Variants in SLIT2 observed in about 807,000 individuals in gnomAD.
SLIT2 encodes the protein slit guidance ligand 2.
In SLIT2, 41 loss-of-function variants were observed where a neutral mutation model predicts 185.7. That is an observed-to-expected ratio of 0.22 (90% CI 0.17 to 0.29). The LOEUF (loss-of-function observed/expected upper bound fraction) is 0.29. Ranked by LOEUF, SLIT2 falls within the 10% of genes least tolerant of loss-of-function variation. The probability of loss-of-function intolerance (pLI) is 1.00; values close to 1 mark genes in which losing one functional copy is unlikely to be tolerated. For synonymous variants in SLIT2, 693 were observed against 680.2 expected, an observed-to-expected ratio of 1.02 and a Z score of -0.29; for missense variants, 1,571 against 1,909.0, an observed-to-expected ratio of 0.82 and a Z score of 3.30.
chr4:20,253,972 A>T lies in SLIT2; in HGVS notation c.157A>T (p.Ile53Phe), dbSNP rs1321526993. ...GGCGCTGCGCAGCGTGCCCAGGAAT[A>T]TCCCCCGCAACACCGAGAGACTGTG... is the stretch of plus-strand genomic sequence containing the variant. ...GLALRSVPRN[I>F]PRNTERLDLN... The change falls in exon 1 of 37, where the codon ATC (isoleucine) becomes TTC (phenylalanine). Residue 53 changes from isoleucine (I) to phenylalanine (F), a missense_variant. By Grantham distance (21) the Ile-to-Phe change is conservative (BLOSUM62 0). Around this residue, in one of 3 missense-constraint regions of SLIT2, gnomAD observed 1,202 missense variants for 1,416.4 expected, o/e 0.85. Transcript: ENST00000504154. The T allele has an allele frequency of 6.2e-7, 1 of 1,602,436 alleles. No individual in the cohort carries two copies. The highest frequency in any genetic ancestry group is 1.1e-5 in the South Asian group (1 of 90,990).
At chr4:20,569,316 G>T in intron 29 of SLIT2, 1 of 322,446 alleles carries the variant, frequency 3.1e-6, no homozygotes, top group Non-Finnish European at 5.9e-6. Context: ...TTTTCCCTGT[G>T]CAAACCAATC....
intron 18 of SLIT2, among the ~76,000 whole-genome samples, chr4:20,538,917 G>C (rs3775820): frequency 6.6e-6 from 1 of 151,758 alleles, no homozygotes; most frequent in South Asian, 2.1e-4. Flanking sequence ...AAAATTATTC[G>C]TGTAGTCTTT....
At chr4:20,462,323 T>A (rs1476438093) in intron 4 of SLIT2, among the ~76,000 whole-genome samples, 2 of 152,200 alleles carry the variant, frequency 1.3e-5, no homozygotes, top group East Asian at 3.8e-4. Flanking sequence ...GAAAATTCCG[T>A]AGTGTCATGC....
chr4:20,270,169 T>C lies in SLIT2; in HGVS notation c.395+1288T>C, dbSNP rs148424147. 2.0e-3 allele frequency among the ~76,000 whole-genome samples: 305 copies of C among 152,106 alleles called. 2 individuals carry two copies. The highest frequency in any genetic ancestry group is 0.015 in the Admixed American group (229 of 15,236). On this transcript the variant is annotated intron_variant, in intron 4 of 36. Coordinates refer to ENST00000504154, the MANE Select transcript of SLIT2 (RefSeq NM_004787.4). The stretch of plus-strand genomic sequence containing the variant: ...GGGTGTAGGTTTGCTATAAAGATTA[T>C]AGGTATGCATATCAGTAGATAATTA...
chr4:20,549,867 T>G (rs889412307), intron 24 of SLIT2, among the ~76,000 whole-genome samples: 6 of 152,014 alleles, frequency 3.9e-5, no homozygotes, highest in Admixed American at 3.9e-4. Context: ...ATCTTCATCT[T>G]TACTGTGATT....
intron 9 of SLIT2, among the ~76,000 whole-genome samples, chr4:20,501,114 T>A (rs1430109545): frequency 9.9e-5 from 15 of 152,232 alleles, no homozygotes; most frequent in Non-Finnish European, 4.4e-5. Context: ...TTATTATTTT[T>A]ATTTTCTTGT....
At chr4:20,304,334 A>G (rs1717337755) in intron 4 of SLIT2, among the ~76,000 whole-genome samples, 1 of 152,186 alleles carries the variant, frequency 6.6e-6, no homozygotes, top group Admixed American at 6.5e-5. Flanking sequence ...ATTGGACTAT[A>G]AGGCAGTGGA....
At chr4:20,290,362 C>A (rs1046919374) in intron 4 of SLIT2, among the ~76,000 whole-genome samples, 2 of 151,966 alleles carry the variant, frequency 1.3e-5, no homozygotes, top group Admixed American at 1.3e-4. Flanking sequence ...AAAATACAAA[C>A]CAAAAACTAT....
chr4:20,446,527 T>C (rs1320202314), intron 4 of SLIT2, among the ~76,000 whole-genome samples: 1 of 152,224 alleles, frequency 6.6e-6, no homozygotes, highest in Non-Finnish European at 1.5e-5. Context: ...AAATCAGTAT[T>C]TGAGACTAAC....
chr4:20,382,496 G>C (rs1323587462), intron 4 of SLIT2, among the ~76,000 whole-genome samples: 1 of 151,954 alleles, frequency 6.6e-6, no homozygotes, highest in African/African-American at 2.4e-5. Context: ...CAAGATTAAT[G>C]TATAAAAAAT....
intron 4 of SLIT2, among the ~76,000 whole-genome samples, chr4:20,457,266 G>A (rs1031133772): frequency 1.3e-5 from 2 of 151,914 alleles, no homozygotes; most frequent in Non-Finnish European, 2.9e-5. Flanking sequence ...GGCAGCTAAT[G>A]ATTACAATCC....
intron 29 of SLIT2, among the ~76,000 whole-genome samples, chr4:20,576,181 T>A (rs1726072660): frequency 6.6e-6 from 1 of 152,218 alleles, no homozygotes; most frequent in Non-Finnish European, 1.5e-5. Context: ...TTCAGATATA[T>A]TTGATGCCAT....
At chr4:20,415,484 A>G (rs1225839741) in intron 4 of SLIT2, among the ~76,000 whole-genome samples, 1 of 151,798 alleles carries the variant, frequency 6.6e-6, no homozygotes, top group Non-Finnish European at 1.5e-5. Flanking sequence ...AGAAGTGAAT[A>G]TTTAATGTTA....
intron 4 of SLIT2, among the ~76,000 whole-genome samples, chr4:20,387,807 T>C (rs1484210592): frequency 6.6e-6 from 1 of 152,114 alleles, no homozygotes; most frequent in Non-Finnish European, 1.5e-5. Context: ...TGGATGGGCC[T>C]GGAAGTGGGT....
chr4:20,310,314 T>G (rs1393888560), intron 4 of SLIT2, among the ~76,000 whole-genome samples: 2 of 152,182 alleles, frequency 1.3e-5, no homozygotes, highest in African/African-American at 4.8e-5. Flanking sequence ...GATGAAACAT[T>G]AGCAACTCAA....
intron 4 of SLIT2, among the ~76,000 whole-genome samples, chr4:20,365,738 C>T (rs770352572): frequency 6.6e-5 from 10 of 152,120 alleles, no homozygotes; most frequent in Non-Finnish European, 7.4e-5. Context: ...TTCACTCGCA[C>T]GCATCCCTCC....
At chr4:20,423,689 C>G (rs1489837201) in intron 4 of SLIT2, among the ~76,000 whole-genome samples, 1 of 152,042 alleles carries the variant, frequency 6.6e-6, no homozygotes, top group African/African-American at 2.4e-5. Flanking sequence ...AGACAGTAAA[C>G]ATTTGTATAC....
chr4:20,454,379 C>G (rs1169008777), intron 4 of SLIT2, among the ~76,000 whole-genome samples: 2 of 151,982 alleles, frequency 1.3e-5, no homozygotes, highest in African/African-American at 4.8e-5. Context: ...GATATAGGAA[C>G]AAAAAGAGTT....
At chr4:20,426,346 A>T (rs889163213) in intron 4 of SLIT2, among the ~76,000 whole-genome samples, 2 of 152,244 alleles carry the variant, frequency 1.3e-5, no homozygotes, top group African/African-American at 4.8e-5. Flanking sequence ...ATTCAAAGCT[A>T]GTAAAAGAAT....
Sources: gnomAD v4.1 joint callset for allele counts (sites outside exome capture counted in the v4.1 genomes callset) on GRCh38, gnomAD v4.1.1 for gene constraint, gnomAD v4.1.1 regional missense constraint, MANE v1.5 for transcripts, NCBI Gene and HGNC (gene_info 2026-07-23, HGNC 2026-07-21) for gene names.